Variants in GATA2 observed in about 807,000 individuals in gnomAD.
GATA2 encodes endothelial transcription factor GATA-2.
GATA2 carries 6 observed loss-of-function variants against 35.7 expected under a neutral mutation model. The observed-to-expected ratio is 0.17, with a 90% CI of 0.09 to 0.33. The LOEUF is 0.33. Among genes scored for constraint, GATA2 ranks in the 10% least tolerant of loss-of-function variants. The pLI, the probability that GATA2 is intolerant of heterozygous loss-of-function variation, is 1.00. For synonymous variants in GATA2, 313 were observed against 274.9 expected (o/e 1.14, Z -1.37); for missense variants, 541 against 656.6 (o/e 0.82, Z 1.92).
chr3:128,487,202 G>A (rs1255924542), intron 1 of GATA2, 126 bp from the exon 2 acceptor site: 1 of 611,460 alleles, frequency 1.6e-6, no homozygotes, highest in Non-Finnish European at 2.8e-6. Context: ...CCAGTCCCGG[G>A]TGGGAGGAAA....
intron 3 of GATA2, among the ~76,000 whole-genome samples, chr3:128,484,493 C>A (rs1381704805): frequency 6.6e-6 from 1 of 152,192 alleles, no homozygotes; most frequent in Non-Finnish European, 1.5e-5. Flanking sequence ...AGTCCAGAAG[C>A]ATTTCCCTCT....
chr3:128,486,671 C>G, intron 2 of GATA2, 132 bp downstream of exon 2: 1 of 1,003,208 alleles, frequency 1.0e-6, no homozygotes, highest in Non-Finnish European at 1.5e-6. Context: ...GCTCCCACCT[C>G]TCCCGCCCCA....
At chr3:128,481,350 G>A (rs2068626243) in intron 5 of GATA2, 32 bp from the exon 6 acceptor site, 5 of 1,604,544 alleles carry the variant, frequency 3.1e-6, no homozygotes, top group Non-Finnish European at 4.2e-6. Flanking sequence ...CAGAGGGCCA[G>A]TTCCTTCCTC....
intron 4 of GATA2, 190 bp from the exon 5 acceptor site, chr3:128,482,134 T>A: frequency 1.4e-6 from 1 of 733,724 alleles, no homozygotes; most frequent in Non-Finnish European, 2.2e-6. Flanking sequence ...CTCACAGAAC[T>A]TTGGAATAAA....
rs534577428 is a variant in GATA2 at position 128,486,372 on chromosome 3, C to T, written c.230-4G>A. 3 of 1,597,632 alleles carry T rather than the reference C, an allele frequency of 1.9e-6. No homozygotes were observed. In the South Asian group the frequency reaches 3.4e-5, roughly 18 times the overall value. On this transcript the variant is annotated splice_region_variant and splice_polypyrimidine_tract_variant and intron_variant, in intron 2 of 5. Transcript: ENST00000341105. ...ATCTGGCCTCCGGTCAGGCGGGCTG[C>T]GGGCAAAGAGAGAGAGGATCAGGGT... is the stretch of plus-strand genomic sequence containing the variant.
At chr3:128,482,000 C>CT (rs1463306216) in intron 4 of GATA2, 56 bp from the exon 5 acceptor site, 1 of 1,599,976 alleles carries the variant, frequency 6.3e-7, no homozygotes, top group South Asian at 1.1e-5. Flanking sequence ...CTCGACCCCC[C>CT]TCCCTGACCC....
In GATA2 at chr3:128,481,228, C is replaced by T; in HGVS notation, c.1234G>A (p.Glu412Lys). The change falls in exon 6 of 6, where the codon GAG becomes AAG. Residue 412 changes from glutamate (E) to lysine (K), a missense_variant. Glu to Lys is a moderately conservative substitution (Grantham distance 56). This residue lies in a region of GATA2 where 95 missense variants were observed against 114.0 expected (regional missense o/e 0.83). Transcript: ENST00000341105. ...NKSKKSKKGAECFEELSKCMQ... is the reference protein window; with the variant it reads ...NKSKKSKKGAKCFEELSKCMQ... Reference sequence around the variant, plus strand: ...CACTTTGACAGCTCCTCGAAGCACTCCGCCCCTTTCTTGCTCTTCTTGGAC... The same window carrying T: ...CACTTTGACAGCTCCTCGAAGCACTTCGCCCCTTTCTTGCTCTTCTTGGAC... 6.2e-7 allele frequency: 1 copy of T among 1,614,236 alleles called. No individual in the cohort carries two copies. The highest frequency in any genetic ancestry group is 8.5e-7 in the Non-Finnish European group (1 of 1,180,054).
chr3:128,489,658 C>G (rs960398813), intron 1 of GATA2: 3 of 152,154 alleles, frequency 2.0e-5, no homozygotes, highest in African/African-American at 7.2e-5. Flanking sequence ...GCCTCCGCGG[C>G]CAGGCCGGGC....
intron 3 of GATA2, among the ~76,000 whole-genome samples, chr3:128,485,084 G>A (rs2068677413): frequency 6.6e-6 from 1 of 152,234 alleles, no homozygotes; most frequent in South Asian, 2.1e-4. Flanking sequence ...TGCGGGAAAA[G>A]GGGCGGGGGC....
intron 4 of GATA2, among the ~76,000 whole-genome samples, chr3:128,483,083 T>C (rs1294579385): frequency 6.6e-6 from 1 of 152,148 alleles, no homozygotes; most frequent in African/African-American, 2.4e-5. Flanking sequence ...CACCCGGGCC[T>C]CACCCCGCCC....
At chr3:128,486,777 C>G (rs749780422) in intron 2 of GATA2, 26 bp downstream of exon 2, 1 of 1,576,674 alleles carries the variant, frequency 6.3e-7, no homozygotes, top group South Asian at 1.2e-5. Context: ...CGCCTGGGTT[C>G]TCATCACCAC....
chr3:128,480,838 C>T lies in GATA2; in HGVS notation c.*181G>A. On this transcript the variant is annotated 3_prime_UTR_variant, in exon 6 of 6. Transcript: ENST00000341105. Reference sequence around the variant, plus strand: ...GGCAGCGGTCAGGTGCGGAGGCAGCCTCTCAGCGGTGGGGAACATTCACAG... The same window carrying T: ...GGCAGCGGTCAGGTGCGGAGGCAGCTTCTCAGCGGTGGGGAACATTCACAG... The T allele has an allele frequency of 1.5e-6, 1 of 669,764 alleles. No homozygotes were observed. The highest frequency in any genetic ancestry group is 2.5e-6 in the Non-Finnish European group (1 of 405,824). 41.5% of individuals were successfully genotyped at this position (669,764 alleles called of 1,614,324 possible).
chr3:128,487,890 C>G (rs1475309733), intron 1 of GATA2: 2 of 152,448 alleles, frequency 1.3e-5, no homozygotes, highest in Non-Finnish European at 2.9e-5. Flanking sequence ...CCCTCGGCAT[C>G]CTCCGGCCGC....
intron 3 of GATA2, among the ~76,000 whole-genome samples, chr3:128,484,739 G>T (rs1246590313): frequency 1.3e-5 from 2 of 152,088 alleles, no homozygotes; most frequent in African/African-American, 4.8e-5. Context: ...AAGCTGACGG[G>T]TCTGAGCAGA....
At chr3:128,482,279 A>G (rs991215518) in intron 4 of GATA2, among the ~76,000 whole-genome samples, 3 of 152,182 alleles carry the variant, frequency 2.0e-5, no homozygotes, top group Admixed American at 6.5e-5. Context: ...GCTCTCTAGT[A>G]GCACAGGCAT....
Position 128,486,909 on chromosome 3 carries a change from A to T in GATA2, c.123T>A (p.Pro41=). The T allele has an allele frequency of 6.2e-7, 1 of 1,612,856 alleles. No individual in the cohort carries two copies. Among genetic ancestry groups the T allele is most frequent in the Non-Finnish European group, 8.5e-7 (1 of 1,179,586 alleles). The change falls in exon 2 of 6, where the codon CCT becomes CCA. Residue 41 remains proline, a synonymous_variant. Coordinates refer to ENST00000341105, the MANE Select transcript of GATA2 (RefSeq NM_032638.5). ...HNYMEPAQLL[P]PDEVDVFFNH... ...TGAAGAAGACGTCCACCTCGTCTGG[A>T]GGCAGCAGCTGCGCGGGTTCCATGT... is the stretch of plus-strand genomic sequence containing the variant.
chr3:128,487,144 T>TGTC (rs2068714279), intron 1 of GATA2, 68 bp from the exon 2 acceptor site: 1 of 846,152 alleles, frequency 1.2e-6, no homozygotes, highest in Middle Eastern at 3.7e-4. Context: ...CACCACGAGG[T>TGTC]GTCCCGCACG....
Position 128,488,872 on chromosome 3 carries a change from G to C in GATA2, c.-45-1796C>G, listed in dbSNP as rs555528709. Among the ~76,000 whole-genome samples the C allele has an allele frequency of 2.0e-5, 3 of 152,224 alleles. No individual in the cohort carries two copies. Among genetic ancestry groups the C allele is most frequent in the African/African-American group, 7.2e-5 (3 of 41,544 alleles). Reference sequence around the variant, plus strand: ...TTCCTCCCTCCCATTGTACAGACTGGGGAGACGGAGGCTCGAAGGGAGCCC... The same window carrying C: ...TTCCTCCCTCCCATTGTACAGACTGCGGAGACGGAGGCTCGAAGGGAGCCC... On this transcript the variant is annotated intron_variant, in intron 1 of 5. Coordinates refer to ENST00000341105, the MANE Select transcript of GATA2 (RefSeq NM_032638.5). This position sits in a 1 kb window ranked among gnomAD's most constrained non-coding sequence, Gnocchi z 5.8.
At chr3:128,491,398 T>C (rs976364588) in intron 1 of GATA2, among the ~76,000 whole-genome samples, 32 of 152,152 alleles carry the variant, frequency 2.1e-4, no homozygotes, top group Non-Finnish European at 2.9e-5. Context: ...CTACCTTCCA[T>C]AGAGAAATTT....
Sources: gnomAD v4.1 joint callset for allele counts (sites outside exome capture counted in the v4.1 genomes callset) on GRCh38, gnomAD v4.1.1 for gene constraint, gnomAD v4.1.1 regional missense constraint, Gnocchi (gnomAD v3.1) non-coding constraint, MANE v1.5 for transcripts, NCBI Gene and HGNC (gene_info 2026-07-23, HGNC 2026-07-21) for gene names.